Variants in SCN10A observed in about 807,000 individuals in gnomAD.
SCN10A encodes the protein sodium channel protein type 10 subunit alpha.
In SCN10A, 162 loss-of-function variants were observed where a neutral mutation model predicts 170.7. That is an observed-to-expected ratio of 0.95 (90% CI 0.84 to 1.08). The LOEUF is 1.08. Among genes scored for constraint, SCN10A ranks in the 50% least tolerant of loss-of-function variants. SCN10A has a pLI of 0.00. For synonymous variants in SCN10A, 985 were observed against 904.6 expected (o/e 1.09, Z -1.59); for missense variants, 2,527 against 2,436.9 (o/e 1.04, Z -0.78).
intron 15 of SCN10A, among the ~76,000 whole-genome samples, chr3:38,734,018 C>T (rs2063536010): frequency 6.7e-6 from 1 of 149,548 alleles, no homozygotes; most frequent in Admixed American, 6.7e-5. Flanking sequence ...CTGCCCCTGG[C>T]CTTCTTTTTA....
At chr3:38,788,708 A>C (rs1030625974) in intron 4 of SCN10A, among the ~76,000 whole-genome samples, 2 of 152,136 alleles carry the variant, frequency 1.3e-5, no homozygotes, top group African/African-American at 4.8e-5. Flanking sequence ...AAATCTCCCC[A>C]AAAATTGCAA....
chr3:38,798,509 T>C (rs547940436), intron 1 of SCN10A, among the ~76,000 whole-genome samples: 1 of 152,270 alleles, frequency 6.6e-6, no homozygotes, highest in South Asian at 2.1e-4. Context: ...GGAAAGCACA[T>C]CCTTTGTGAG....
chr3:38,771,001 A>G (rs966617694), intron 5 of SCN10A, among the ~76,000 whole-genome samples: 1 of 152,088 alleles, frequency 6.6e-6, no homozygotes. Flanking sequence ...CCCAGTTGGG[A>G]TGTATGTTTG....
chr3:38,739,547 C>T lies in SCN10A; in HGVS notation c.2248G>A (p.Gly750Arg), dbSNP rs773267272. 1.2e-6 allele frequency: 2 copies of T among 1,614,094 alleles called. No individual in the cohort carries two copies. Among genetic ancestry groups the T allele is most frequent in the South Asian group, 2.2e-5 (2 of 91,040 alleles). The stretch of plus-strand genomic sequence containing the variant: ...AAGCTCCGCAGCACAGACAGGCTTC[C>T]CTTCTTGGCCACGCCCAGCTCTAGC... ...SLLELGVAKK[G>R]SLSVLRSFRL... Residue 750 changes from glycine to arginine, a missense_variant, in exon 15 of 28, where the codon GGA (glycine) becomes AGA (arginine). By Grantham distance (125) the Gly-to-Arg change is moderately radical (BLOSUM62 -2). Coordinates refer to ENST00000449082, the MANE Select transcript of SCN10A (RefSeq NM_006514.4).
intron 8 of SCN10A, among the ~76,000 whole-genome samples, chr3:38,758,760 T>C (rs2063837042): frequency 6.6e-6 from 1 of 151,624 alleles, no homozygotes; most frequent in Admixed American, 6.5e-5. Flanking sequence ...CCCAGCCTGG[T>C]CCACTCCCCC....
rs371364480 is a variant in SCN10A, at chr3:38,813,493, C to G, written c.-33+2544G>C. On this transcript the variant is annotated intron_variant, in intron 1 of 27. Transcript: ENST00000449082. ...ACTAGGCTAACCTTTTTGTGCATCC[C>G]CTGTTTAATATTTACAGTCGTCTTG... Among the ~76,000 whole-genome samples, 5 of 152,128 alleles carry G rather than the reference C, an allele frequency of 3.3e-5. No individual in the cohort carries two copies. In the East Asian group the frequency reaches 9.6e-4, roughly 29 times the overall value.
intron 13 of SCN10A, among the ~76,000 whole-genome samples, chr3:38,744,018 C>T (rs1344816032): frequency 6.6e-6 from 1 of 152,114 alleles, no homozygotes; most frequent in East Asian, 1.9e-4. Flanking sequence ...CAGATATCAG[C>T]CTATGTGGGC....
intron 4 of SCN10A, among the ~76,000 whole-genome samples, chr3:38,784,544 T>C (rs1204751291): frequency 6.6e-6 from 1 of 152,134 alleles, no homozygotes; most frequent in East Asian, 1.9e-4. Flanking sequence ...GGGCAAAAAC[T>C]GGAAGCATTT....
At chr3:38,702,998 C>T (rs2063172881) in intron 26 of SCN10A, among the ~76,000 whole-genome samples, 1 of 152,186 alleles carries the variant, frequency 6.6e-6, no homozygotes, top group African/African-American at 2.4e-5. Context: ...CTATGGAGCT[C>T]ACCTGCCTTG....
intron 12 of SCN10A, among the ~76,000 whole-genome samples, chr3:38,751,874 C>T (rs1224619252): frequency 6.6e-6 from 1 of 152,128 alleles, no homozygotes; most frequent in African/African-American, 2.4e-5. Flanking sequence ...AGAGAAGGGT[C>T]CTTCAGTTTT....
chr3:38,800,792 A>G (rs1452169498), intron 1 of SCN10A, among the ~76,000 whole-genome samples: 4 of 152,072 alleles, frequency 2.6e-5, no homozygotes, highest in Non-Finnish European at 5.9e-5. Context: ...GTTTCTGTAG[A>G]TATTTACCCT....
intron 3 of SCN10A, among the ~76,000 whole-genome samples, chr3:38,789,862 G>T (rs76462455): frequency 1.3e-5 from 2 of 152,112 alleles, no homozygotes; most frequent in African/African-American, 4.8e-5. Flanking sequence ...GTTCCCACTT[G>T]GACATTTTTC....
chr3:38,725,251 C>T lies in SCN10A; in HGVS notation c.3151G>A (p.Gly1051Arg), dbSNP rs374447261. ...DHLTPRSPGT[G>R]TSSEDLAPSL... is the part of the protein sequence containing the mutation. ...GGAGCCAGGTCCTCAGAAGATGTTC[C>T]AGTGCCTGGGCTCCTGGGTGTCAGG... The change falls in exon 18 of 28, where the codon GGA becomes AGA. Residue 1051 changes from glycine (G) to arginine (R), a missense_variant. Gly to Arg is a moderately radical substitution (Grantham distance 125). Transcript: ENST00000449082. 13 of 1,605,902 alleles carry T rather than the reference C, an allele frequency of 8.1e-6. No homozygotes were observed. Among genetic ancestry groups the T allele is most frequent in the Middle Eastern group, 3.3e-4 (2 of 6,042 alleles).
intron 1 of SCN10A, among the ~76,000 whole-genome samples, chr3:38,815,480 G>T (rs1481914868): frequency 6.6e-6 from 1 of 152,200 alleles, no homozygotes; most frequent in South Asian, 2.1e-4. Flanking sequence ...GACTAAGAAT[G>T]AAATCCACTG....
chr3:38,725,096 C>T, intron 18 of SCN10A, 78 bp downstream of exon 18: 5 of 1,383,948 alleles, frequency 3.6e-6, no homozygotes, highest in Non-Finnish European at 4.8e-6. Flanking sequence ...ACCTTCACCG[C>T]CACCCTCCAG....
chr3:38,758,807 C>A (rs1050842126), intron 8 of SCN10A, among the ~76,000 whole-genome samples: 30 of 152,308 alleles, frequency 2.0e-4, no homozygotes, highest in African/African-American at 7.0e-4. Context: ...GCAGGCCTGG[C>A]CTCTCAGGGA....
At chr3:38,761,801 C>A (rs1393244098) in intron 6 of SCN10A, among the ~76,000 whole-genome samples, 1 of 148,482 alleles carries the variant, frequency 6.7e-6, no homozygotes, top group African/African-American at 2.5e-5. Flanking sequence ...GACACATGAA[C>A]CTCACTGTGT....
intron 10 of SCN10A, among the ~76,000 whole-genome samples, chr3:38,756,312 A>T (rs2063804369): frequency 6.6e-6 from 1 of 151,526 alleles, no homozygotes; most frequent in Non-Finnish European, 1.5e-5. Context: ...AAAAAAAAAA[A>T]GCTGGCCCCC....
intron 4 of SCN10A, among the ~76,000 whole-genome samples, chr3:38,775,374 G>A (rs2064060551): frequency 6.6e-6 from 1 of 152,126 alleles, no homozygotes; most frequent in African/African-American, 2.4e-5. Context: ...TTAGCACAAT[G>A]CTTTGTCAAT....
Sources: gnomAD v4.1 joint callset for allele counts (sites outside exome capture counted in the v4.1 genomes callset) on GRCh38, gnomAD v4.1.1 for gene constraint, MANE v1.5 for transcripts, NCBI Gene and HGNC (gene_info 2026-07-23, HGNC 2026-07-21) for gene names.